The following DHRS12 variants were observed in gnomAD, a reference collection of about 807,000 sequenced individuals.
DHRS12 encodes dehydrogenase/reductase SDR family member 12.
Under a neutral mutation model 32.1 loss-of-function variants are expected in DHRS12, and 29 were observed. The observed-to-expected ratio is 0.90, with a 90% confidence interval of 0.67 to 1.23. DHRS12 has a LOEUF of 1.23. Among genes scored for constraint, DHRS12 ranks in the 50% most tolerant of loss-of-function variants. DHRS12 has a pLI of 0.00. For missense variants in DHRS12, 330 were observed against 337.2 expected (o/e 0.98, Z 0.17); for synonymous variants, 150 against 135.9 (o/e 1.10, Z -0.72).
intron 7 of DHRS12, chr13:51,770,734 T>C (rs1378232813): frequency 6.0e-6 from 6 of 995,654 alleles, no homozygotes; most frequent in South Asian, 4.3e-5. Flanking sequence ...CCTCTTTCTA[T>C]AGGGGTGTGG....
chr13:51,789,788 A>G (rs985227132), intron 4 of DHRS12: 46 of 985,308 alleles, frequency 4.7e-5, no homozygotes, highest in Non-Finnish European at 4.9e-5. Flanking sequence ...GAAAAAAAAC[A>G]CTTCAATACT....
the DHRS12 span, chr13:51,758,203 C>T: frequency 6.3e-7 from 1 of 1,576,500 alleles, no homozygotes; most frequent in Non-Finnish European, 8.7e-7. Context: ...CGTGCACCCA[C>T]AGCCACCTTC....
chr13:51,789,613 C>T (rs1367945070), intron 4 of DHRS12: 1 of 985,432 alleles, frequency 1.0e-6, no homozygotes. Flanking sequence ...TATCTGTGCT[C>T]TAGCCAATGC....
At chr13:51,773,021 C>A in intron 6 of DHRS12, 1 of 985,444 alleles carries the variant, frequency 1.0e-6, no homozygotes, top group Non-Finnish European at 1.2e-6. Flanking sequence ...GCCTTACAGA[C>A]AATGTGGGCG....
At chr13:51,756,381 A>G in the DHRS12 span, 13 of 1,613,994 alleles carry the variant, frequency 8.1e-6, no homozygotes, top group Non-Finnish European at 1.0e-5. Context: ...TGCAGCTCCA[A>G]GCGCTCCTCC....
downstream of DHRS12, chr13:51,763,233 G>A (rs888966697): frequency 4.6e-5 from 7 of 152,190 alleles, no homozygotes; most frequent in Admixed American, 1.3e-4. Flanking sequence ...TCAGCACCTT[G>A]AGACAGGGCG....
At chr13:51,768,546 G>C (rs1353754553) in intron 8 of DHRS12, 25 of 1,363,262 alleles carry the variant, frequency 1.8e-5, no homozygotes, top group Non-Finnish European at 2.3e-5. Flanking sequence ...TGATCAGCAG[G>C]AAGGGGTGCG....
intron 6 of DHRS12, among the ~76,000 whole-genome samples, chr13:51,772,376 C>A (rs895178339): frequency 2.6e-5 from 4 of 152,104 alleles, no homozygotes; most frequent in Non-Finnish European, 5.9e-5. Flanking sequence ...AGTCTGTAAT[C>A]CCAACACTTT....
intron 7 of DHRS12, 183 bp downstream of exon 7, chr13:51,771,638 G>A: frequency 7.0e-7 from 1 of 1,422,368 alleles, no homozygotes. Flanking sequence ...CAAAAGCTCT[G>A]TGTCTGTATG....
chr13:51,759,949 G>C, the DHRS12 span: 1 of 581,506 alleles, frequency 1.7e-6, no homozygotes, highest in South Asian at 2.7e-5. Context: ...CTCGCAAGGG[G>C]ACTCTTCCAA....
intron 4 of DHRS12, among the ~76,000 whole-genome samples, chr13:51,779,057 C>T (rs1272829720): frequency 1.3e-5 from 2 of 152,070 alleles, no homozygotes; most frequent in Non-Finnish European, 2.9e-5. Context: ...GCGCATCTCC[C>T]TTTTCTTGAG....
the DHRS12 span, chr13:51,756,537 A>G: frequency 2.0e-6 from 3 of 1,517,006 alleles, no homozygotes; most frequent in Non-Finnish European, 2.7e-6. Context: ...CAGCGCCGCA[A>G]CCATCACTCA....
intron 3 of DHRS12, 109 bp from the exon 4 acceptor site, chr13:51,790,201 T>G: frequency 1.3e-6 from 1 of 769,026 alleles, no homozygotes; most frequent in Non-Finnish European, 2.0e-6. Context: ...AACTTTCAAG[T>G]GACAATGACA....
the DHRS12 span, chr13:51,759,902 T>C: frequency 1.0e-6 from 1 of 1,002,336 alleles, no homozygotes; most frequent in East Asian, 2.5e-5. Context: ...AATTTGCAGA[T>C]TACCCATGTG....
At chr13:51,786,469 G>C (rs1469813074) in intron 4 of DHRS12, among the ~76,000 whole-genome samples, 1 of 152,134 alleles carries the variant, frequency 6.6e-6, no homozygotes, top group African/African-American at 2.4e-5. Context: ...TGAAACAAAG[G>C]GGTGAGAACA....
At chr13:51,758,317 T>C in the DHRS12 span, 3 of 1,546,438 alleles carry the variant, frequency 1.9e-6, no homozygotes, top group Non-Finnish European at 2.7e-6. Context: ...TGCCATCTTA[T>C]TAAGAAGCTT....
the DHRS12 span, chr13:51,761,644 C>A: frequency 6.6e-6 from 1 of 152,190 alleles, no homozygotes; most frequent in Admixed American, 6.5e-5. Flanking sequence ...TTTGCCCTCA[C>A]AATCATTCAT....
chr13:51,785,628 G>C (rs1478431628), intron 4 of DHRS12, among the ~76,000 whole-genome samples: 8 of 152,186 alleles, frequency 5.3e-5, no homozygotes, highest in Non-Finnish European at 1.2e-4. Context: ...TTGGTCCAAG[G>C]AGGATACAAG....
the DHRS12 span, chr13:51,762,724 G>A: frequency 6.6e-6 from 1 of 152,124 alleles, no homozygotes; most frequent in Admixed American, 6.5e-5. Flanking sequence ...TACCCTGTTG[G>A]ATTTGCACTT....
Sources: gnomAD v4.1 joint callset for allele counts (sites outside exome capture counted in the v4.1 genomes callset) on GRCh38, gnomAD v4.1.1 for gene constraint, MANE v1.5 for transcripts, NCBI Gene and HGNC (gene_info 2026-07-23, HGNC 2026-07-21) for gene names.